The following NBPF26 variants were observed in gnomAD, a reference collection of about 807,000 sequenced individuals.
The protein encoded by NBPF26 is NBPF member 26.
In NBPF26, 79 loss-of-function variants were observed where a neutral mutation model predicts 119.6. That is an observed-to-expected ratio of 0.66 (90% CI 0.55 to 0.80). The LOEUF is 0.80. Among genes scored for constraint, NBPF26 ranks in the 30% least tolerant of loss-of-function variants. The pLI is 0.00. For missense variants in NBPF26, 800 were observed against 1,198.2 expected (o/e 0.67, Z 4.91); for synonymous variants, 299 against 457.7 (o/e 0.65, Z 4.43).
Position 120,813,877 on chromosome 1 carries a change from CT to C in NBPF26, c.1775-13del. 4 of 1,464,346 alleles carry C rather than the reference CT, an allele frequency of 2.7e-6. No individual in the cohort carries two copies. The allele number at this position is 1,464,346 out of a possible 1,614,324, so 90.7% of individuals were successfully genotyped here. A position where few individuals can be genotyped will look rare whatever the true frequency, so the allele number is the denominator to read the frequency against. On this transcript the variant is annotated splice_polypyrimidine_tract_variant and intron_variant, in intron 10 of 29. Transcript: ENST00000620612. ...CAGCCTTCCACTGAGGCAGGTGTGT[CT>C]GTCTTTTCTCAGAATATGAAGAGTG...
intron 2 of NBPF26, among the ~76,000 whole-genome samples, chr1:120,764,481 G>A (rs1651168206): frequency 1.1e-5 from 1 of 94,466 alleles, no homozygotes; most frequent in South Asian, 3.3e-4. Context: ...AGAGGAAGAT[G>A]TGTGCATGTG....
rs1650792955 is a variant in NBPF26, at chr1:120,724,423, G to A, written c.73+173G>A. Among the ~76,000 whole-genome samples the A allele has an allele frequency of 2.5e-5, 3 of 120,480 alleles. 1 individual carries two copies. In the East Asian group the frequency reaches 6.3e-4, roughly 25 times the overall value. 79.0% of individuals were successfully genotyped at this position (120,480 alleles called of 152,430 possible). ...GGACATCGCCGGGGGCCCCTCCCGT[G>A]GTGCCCCGCCAACCGCTGGGGTTCC... On this transcript the variant is annotated intron_variant, in intron 1 of 29. Transcript: ENST00000620612.
Position 120,781,387 on chromosome 1 carries a change from GC to G in NBPF26, c.156-3586del, listed in dbSNP as rs1466965411. On this transcript the variant is annotated intron_variant, in intron 2 of 29. Transcript: ENST00000620612. ...GGAGGTCATGGTTCAGCTCTGTGCT[GC>G]ACTGGTAAGAACATGTGTTAAGCCT... 7.6e-3 allele frequency among the ~76,000 whole-genome samples: 251 copies of G among 33,124 alleles called. 6 individuals carry two copies. Among genetic ancestry groups the G allele is most frequent in the Middle Eastern group, 0.014 (2 of 146 alleles). The allele number at this position is 33,124 out of a possible 152,430, so 21.7% of individuals were successfully genotyped here. A position where few individuals can be genotyped will look rare whatever the true frequency, so the allele number is the denominator to read the frequency against.
chr1:120,833,182 T>G (rs1482226971), intron 23 of NBPF26, among the ~76,000 whole-genome samples, 199 bp downstream of exon 27: 106 of 117,984 alleles, frequency 9.0e-4, no homozygotes, highest in Non-Finnish European at 1.3e-3. Flanking sequence ...GTACCACAGG[T>G]TGACCATACT....
At position 120,802,284 on chromosome 1, in the gene NBPF26, C is replaced by T; in HGVS notation, c.752-3272C>T. Among the ~76,000 whole-genome samples, 2 of 126,216 alleles carry T rather than the reference C, an allele frequency of 1.6e-5. 1 individual carries two copies. Among genetic ancestry groups the T allele is most frequent in the Admixed American group, 1.5e-4 (2 of 13,100 alleles). 82.8% of individuals were successfully genotyped at this position (126,216 alleles called of 152,430 possible). A position where few individuals can be genotyped will look rare whatever the true frequency, so the allele number is the denominator to read the frequency against. ...AAGGAGGACGATGAACTTGAATTTGCACTGACTTTCCCAGCTGTTTCTTAC... is the reference window on the plus strand; with the variant it reads ...AAGGAGGACGATGAACTTGAATTTGTACTGACTTTCCCAGCTGTTTCTTAC... On this transcript the variant is annotated intron_variant, in intron 4 of 29. Coordinates refer to ENST00000620612, the Ensembl canonical transcript of NBPF26.
At chr1:120,813,376 T>C (rs1651924324) in intron 10 of NBPF26, among the ~76,000 whole-genome samples, 3 of 127,862 alleles carry the variant, frequency 2.3e-5, no homozygotes, top group Middle Eastern at 7.4e-3. Context: ...TGTCACACTT[T>C]ATGCTTCAGA....
rs1342149707 is a variant in NBPF26 at position 120,838,463 on chromosome 1, T to C, written c.3822-282T>C. Among the ~76,000 whole-genome samples, 161 of 55,276 alleles carry C rather than the reference T, an allele frequency of 2.9e-3. No individual in the cohort carries two copies. The East Asian group carries it at 0.033, about 11-fold the overall frequency. The allele number at this position is 55,276 out of a possible 152,430, so 36.3% of individuals were successfully genotyped here. A position where few individuals can be genotyped will look rare whatever the true frequency, so the allele number is the denominator to read the frequency against. On this transcript the variant is annotated intron_variant, in intron 27 of 29. Coordinates refer to ENST00000620612, the Ensembl canonical transcript of NBPF26. Reference sequence around the variant, plus strand: ...GTGTCCTGTTACTCCCTCATCAGTGTGTCACCTGGACAATTCACTGAGCTC... The same window carrying C: ...GTGTCCTGTTACTCCCTCATCAGTGCGTCACCTGGACAATTCACTGAGCTC...
rs1327071679 is a variant in NBPF26, at chr1:120,724,322, A to C, written c.73+72A>C. 38 of 1,360,556 alleles carry C rather than the reference A, an allele frequency of 2.8e-5. 8 individuals carry two copies. Among genetic ancestry groups the C allele is most frequent in the East Asian group, 2.3e-4 (9 of 38,650 alleles). 84.3% of individuals were successfully genotyped at this position (1,360,556 alleles called of 1,614,324 possible). On this transcript the variant is annotated intron_variant, in intron 1 of 29. Coordinates refer to ENST00000620612, the Ensembl canonical transcript of NBPF26. Reference sequence around the variant, plus strand: ...ACCTGGGGCGACCCTTCTCCCCCTCAGTCCTTCTCTGTGTGGGAAGGCCAG... The same window carrying C: ...ACCTGGGGCGACCCTTCTCCCCCTCCGTCCTTCTCTGTGTGGGAAGGCCAG...
chr1:120,822,987 A>G (rs1553272198), intron 16 of NBPF26, among the ~76,000 whole-genome samples: 1 of 126,100 alleles, frequency 7.9e-6, no homozygotes, highest in Non-Finnish European at 1.6e-5. Context: ...CTAATATTGA[A>G]GTATCTCTCC....
chr1:120,790,121 T>G (rs2101464783), intron 3 of NBPF26, among the ~76,000 whole-genome samples: 1 of 94,548 alleles, frequency 1.1e-5, no homozygotes, highest in Admixed American at 1.1e-4. Flanking sequence ...GTTCACGCCA[T>G]TCTTCTGCCT....
chr1:120,840,670 A>T (rs1168139054), downstream of NBPF26: 114 of 1,429,708 alleles, frequency 8.0e-5, 27 homozygotes, highest in Non-Finnish European at 1.0e-4. Flanking sequence ...ATGAAAGTAC[A>T]GTTCCATTTG....
intron 7 of NBPF26, among the ~76,000 whole-genome samples, chr1:120,809,361 AAC>A (rs1407768162): frequency 2.0e-5 from 3 of 150,258 alleles, no homozygotes; most frequent in Non-Finnish European, 4.4e-5. Context: ...GTCCCTGAAT[AAC>A]ACAGCAGAAG....
chr1:120,805,712 A>T lies in NBPF26; in HGVS notation c.908A>T (p.Lys303Ile). The T allele has an allele frequency of 2.1e-6, 3 of 1,453,156 alleles. 1 individual carries two copies. The highest frequency in any genetic ancestry group is 2.8e-6 in the Non-Finnish European group (3 of 1,077,354). 90.0% of individuals were successfully genotyped at this position (1,453,156 alleles called of 1,614,324 possible). Residue 303 changes from lysine to isoleucine, a missense_variant, in exon 5 of 30, where the codon AAA (lysine) becomes ATA (isoleucine). By Grantham distance (102) the Lys-to-Ile change is moderately radical. Around this residue, in one of 13 missense-constraint regions of NBPF26, gnomAD observed 155 missense variants for 143.7 expected, o/e 1.08. Transcript: ENST00000620612. ...CAGCAGTTGAGAAACCTCAAAGAGAAATGTTTTCTAACTCAACTGGCCGGC... is the reference window on the plus strand; with the variant it reads ...CAGCAGTTGAGAAACCTCAAAGAGATATGTTTTCTAACTCAACTGGCCGGC...
chr1:120,788,681 T>C (rs1336812029), intron 3 of NBPF26, among the ~76,000 whole-genome samples: 1 of 91,576 alleles, frequency 1.1e-5, no homozygotes, highest in Non-Finnish European at 2.0e-5. Flanking sequence ...CTTCAGGATG[T>C]TGGGGAACAT....
Position 120,743,925 on chromosome 1 carries a change from GA to G in NBPF26, c.73+19677del, listed in dbSNP as rs1358891494. 2.3e-4 allele frequency among the ~76,000 whole-genome samples: 24 copies of G among 102,202 alleles called. 4 individuals are homozygous for G. Among genetic ancestry groups the G allele is most frequent in the Non-Finnish European group, 4.4e-4 (23 of 52,824 alleles). The allele number at this position is 102,202 out of a possible 152,430, so 67.0% of individuals were successfully genotyped here. On this transcript the variant is annotated intron_variant, in intron 1 of 29. Coordinates refer to ENST00000620612, the Ensembl canonical transcript of NBPF26. ...TTAGGCTTTATTGGTGCACTAAGGAGAAGCAGAGAGGAGAAGCAATTCTTGG... is the reference window on the plus strand; with the variant it reads ...TTAGGCTTTATTGGTGCACTAAGGAGAGCAGAGAGGAGAAGCAATTCTTGG...
chr1:120,832,607 A>G (rs1433086283), intron 22 of NBPF26, among the ~76,000 whole-genome samples: 2 of 121,142 alleles, frequency 1.7e-5, no homozygotes, highest in African/African-American at 9.3e-5. Flanking sequence ...GATTGTAAAA[A>G]TATGGCATAA....
chr1:120,724,978 TCCA>T (rs1650802196), intron 1 of NBPF26, among the ~76,000 whole-genome samples: 1 of 61,986 alleles, frequency 1.6e-5, no homozygotes, highest in East Asian at 3.3e-4. Flanking sequence ...TCAGGCTGTG[TCCA>T]GACCCAGGAA....
chr1:120,765,948 G>C (rs1436413108), intron 2 of NBPF26, among the ~76,000 whole-genome samples: 4 of 62,022 alleles, frequency 6.4e-5, no homozygotes, highest in Admixed American at 6.3e-4. Context: ...CATGGACACA[G>C]GGAGGGGAAC....
intron 15 of NBPF26, among the ~76,000 whole-genome samples, chr1:120,820,447 A>AT (rs1237450716): frequency 5.5e-3 from 60 of 10,832 alleles, no homozygotes; most frequent in African/African-American, 0.031. Context: ...AAGTATTAAA[A>AT]ATATATATAT....
Sources: gnomAD v4.1 joint callset for allele counts (sites outside exome capture counted in the v4.1 genomes callset) on GRCh38, gnomAD v4.1.1 for gene constraint, gnomAD v4.1.1 regional missense constraint, MANE v1.5 for transcripts, NCBI Gene and HGNC (gene_info 2026-07-23, HGNC 2026-07-21) for gene names.